KSR2: variants seen among roughly 807,000 people sequenced by gnomAD.
KSR2 encodes the protein kinase suppressor of ras 2.
A neutral mutation model predicts 107.8 loss-of-function variants in KSR2; 25 were observed. That is an observed-to-expected ratio of 0.23 (90% confidence interval 0.17 to 0.32). The LOEUF (loss-of-function observed/expected upper bound fraction) is 0.32, where lower values mean the gene tolerates loss of function less well. KSR2 is among the 10% of genes least tolerant of loss of function. The pLI is 1.00. For missense variants in KSR2, 887 were observed against 1,268.9 expected, an observed-to-expected ratio of 0.70 and a Z score of 4.57; for synonymous variants, 480 against 507.0, an observed-to-expected ratio of 0.95 and a Z score of 0.71.
chr12:117,506,726 G>T (rs2137188262), intron 14 of KSR2, among the ~76,000 whole-genome samples: 1 of 152,266 alleles, frequency 6.6e-6, no homozygotes, highest in Admixed American at 6.5e-5. Flanking sequence ...AATTTGGTTT[G>T]GCATGGCTTA....
In KSR2 at chr12:117,507,945, C is replaced by T. The variant is rs77713645; in HGVS notation, c.2219+16907G>A. 8.0e-3 allele frequency among the ~76,000 whole-genome samples: 1,218 copies of T among 152,258 alleles called. 15 individuals carry two copies. The highest frequency in any genetic ancestry group is 0.027 in the African/African-American group (1,142 of 41,560). On this transcript the variant is annotated intron_variant, in intron 14 of 19. Transcript: ENST00000339824. ...GGCCCAAGCCTATCCTTTTCCCCTC[C>T]ATTTATCATCACCTCCCAGGCTGAG...
At chr12:117,639,291 G>A (rs1033500359) in intron 5 of KSR2, among the ~76,000 whole-genome samples, 7 of 151,536 alleles carry the variant, frequency 4.6e-5, no homozygotes, top group African/African-American at 1.7e-4. Flanking sequence ...ACATATGTGT[G>A]TATGTAGACA....
At chr12:117,689,769 G>A (rs1885739888) in intron 4 of KSR2, among the ~76,000 whole-genome samples, 1 of 151,554 alleles carries the variant, frequency 6.6e-6, no homozygotes, top group African/African-American at 2.4e-5. Flanking sequence ...TTTATATAAT[G>A]TTTGGACACT....
chr12:117,676,001 G>A (rs557952203), intron 4 of KSR2, among the ~76,000 whole-genome samples: 34 of 152,320 alleles, frequency 2.2e-4, no homozygotes, highest in African/African-American at 8.2e-4. Flanking sequence ...TAAATCCTTT[G>A]CTCTTGGGCT....
chr12:117,919,030 C>G (rs1282961043), intron 1 of KSR2, among the ~76,000 whole-genome samples: 1 of 152,066 alleles, frequency 6.6e-6, no homozygotes, highest in Non-Finnish European at 1.5e-5. Flanking sequence ...CCAGCTAACT[C>G]AGGAGGCTGA....
rs537726855 is a variant in KSR2, at chr12:117,690,291, C to T, written c.987-22633G>A. 3.3e-5 allele frequency among the ~76,000 whole-genome samples: 5 copies of T among 152,302 alleles called. No individual in the cohort carries two copies. The South Asian group carries it at 8.3e-4, about 25-fold the overall frequency. ...AAAGAATGGGGAAAAAGGCCGGGCA[C>T]GGTGGCTTACACCTGTAATCTCAGT... is the stretch of plus-strand genomic sequence containing the variant. On this transcript the variant is annotated intron_variant, in intron 4 of 19. Transcript: ENST00000339824.
At chr12:117,867,201 A>G (rs1007534808) in intron 1 of KSR2, among the ~76,000 whole-genome samples, 16 of 152,136 alleles carry the variant, frequency 1.1e-4, no homozygotes, top group African/African-American at 3.6e-4. Flanking sequence ...CTGTGGTCCC[A>G]GATACTCAGG....
At chr12:117,679,248 A>AGCAC (rs1885267722) in intron 4 of KSR2, among the ~76,000 whole-genome samples, 1 of 152,200 alleles carries the variant, frequency 6.6e-6, no homozygotes, top group African/African-American at 2.4e-5. Context: ...CATCAGCACC[A>AGCAC]TGCACGGAGC....
intron 10 of KSR2, 21 bp downstream of exon 10, chr12:117,539,698 T>G (rs760393367): frequency 2.5e-6 from 4 of 1,589,496 alleles, no homozygotes; most frequent in Non-Finnish European, 3.4e-6. Context: ...ACCCCTCATG[T>G]CTCCCCAAGC....
chr12:117,685,340 G>A (rs761120021), intron 4 of KSR2, among the ~76,000 whole-genome samples: 1 of 152,226 alleles, frequency 6.6e-6, no homozygotes, highest in Non-Finnish European at 1.5e-5. Context: ...CAGAGCTCGT[G>A]ACAGCCCTCA....
At chr12:117,534,055 T>C (rs1287952485) in intron 10 of KSR2, among the ~76,000 whole-genome samples, 1 of 151,822 alleles carries the variant, frequency 6.6e-6, no homozygotes, top group Non-Finnish European at 1.5e-5. Context: ...GCAGAGTGGC[T>C]CCGGGCTTTC....
intron 14 of KSR2, among the ~76,000 whole-genome samples, chr12:117,507,218 G>A (rs750397910): frequency 6.6e-6 from 1 of 152,176 alleles, no homozygotes; most frequent in Non-Finnish European, 1.5e-5. Flanking sequence ...GGAAGCTGAG[G>A]ATCACAGAAC....
chr12:117,786,296 C>G (rs2136959420), intron 3 of KSR2, among the ~76,000 whole-genome samples: 1 of 151,748 alleles, frequency 6.6e-6, no homozygotes, highest in Non-Finnish European at 1.5e-5. Context: ...TCATATATTA[C>G]CCATGATACT....
intron 7 of KSR2, among the ~76,000 whole-genome samples, chr12:117,561,579 T>TAAAGC (rs1878122695): frequency 1.6e-4 from 24 of 152,176 alleles, no homozygotes; most frequent in Admixed American, 1.6e-3. Flanking sequence ...CCTTCCTAAC[T>TAAAGC]TGCACTCTTT....
chr12:117,945,864 C>G (rs1896165395), intron 1 of KSR2, among the ~76,000 whole-genome samples: 1 of 152,072 alleles, frequency 6.6e-6, no homozygotes, highest in South Asian at 2.1e-4. Flanking sequence ...AGGAGATATA[C>G]TTCTGGTAAT....
intron 1 of KSR2, among the ~76,000 whole-genome samples, chr12:117,908,725 A>C (rs976502055): frequency 2.0e-5 from 3 of 152,188 alleles, no homozygotes; most frequent in Admixed American, 6.5e-5. Context: ...CAAAGGCAAA[A>C]CGCATCAAAG....
intron 1 of KSR2, among the ~76,000 whole-genome samples, chr12:117,932,153 G>T (rs1467674810): frequency 6.6e-6 from 1 of 152,062 alleles, no homozygotes; most frequent in East Asian, 1.9e-4. Context: ...TGGGCATGAT[G>T]GTGGGCGCCT....
At chr12:117,954,437 G>A (rs1320628690) in intron 1 of KSR2, among the ~76,000 whole-genome samples, 2 of 152,184 alleles carry the variant, frequency 1.3e-5, no homozygotes, top group Non-Finnish European at 2.9e-5. Context: ...CATCGTCTGT[G>A]GGCAAATTCA....
Position 117,700,355 on chromosome 12 carries a change from C to T in KSR2, c.987-32697G>A, listed in dbSNP as rs191011177. The stretch of plus-strand genomic sequence containing the variant: ...ATCCTGGAGCCCACAGACTCAACCA[C>T]CTGCCTAGCTCCCTTGTTCAGCCTC... On this transcript the variant is annotated intron_variant, in intron 4 of 19. Transcript: ENST00000339824. 6.6e-5 allele frequency among the ~76,000 whole-genome samples: 10 copies of T among 152,262 alleles called. No homozygotes were observed. The East Asian group carries it at 1.4e-3, about 21-fold the overall frequency.
Sources: gnomAD v4.1 joint callset for allele counts (sites outside exome capture counted in the v4.1 genomes callset) on GRCh38, gnomAD v4.1.1 for gene constraint, MANE v1.5 for transcripts, NCBI Gene and HGNC (gene_info 2026-07-23, HGNC 2026-07-21) for gene names.